Variants in HIVEP2 observed in about 807,000 individuals in gnomAD.
HIVEP2 encodes the protein transcription factor HIVEP2.
A neutral mutation model predicts 180.7 loss-of-function variants in HIVEP2; 14 were observed. That is an observed-to-expected ratio of 0.08 (90% CI 0.05 to 0.12). The LOEUF is 0.12. HIVEP2 is among the 10% of genes least tolerant of loss of function. The pLI is 1.00. For synonymous variants in HIVEP2, 1,184 were observed against 1,136.4 expected, an observed-to-expected ratio of 1.04 and a Z score of -0.84; for missense variants, 2,579 against 3,008.5, an observed-to-expected ratio of 0.86 and a Z score of 3.34.
At chr6:142,834,081 G>T (rs1582899468) in intron 2 of HIVEP2, among the ~76,000 whole-genome samples, 2 of 152,188 alleles carry the variant, frequency 1.3e-5, no homozygotes, top group East Asian at 1.9e-4. Context: ...ATAACAGATA[G>T]CAAATCTAAT....
intron 1 of HIVEP2, among the ~76,000 whole-genome samples, chr6:142,837,754 T>C (rs777149472): frequency 2.6e-5 from 4 of 152,082 alleles, no homozygotes; most frequent in Admixed American, 1.3e-4. Context: ...AAGAGAAAGT[T>C]TGAGAGAAAG....
intron 5 of HIVEP2, among the ~76,000 whole-genome samples, chr6:142,768,813 T>C (rs1310219681): frequency 2.0e-5 from 3 of 151,978 alleles, no homozygotes; most frequent in Non-Finnish European, 2.9e-5. Flanking sequence ...CTCTGTGCAA[T>C]GCTAATACTT....
rs371416610 is a variant in HIVEP2 at position 142,772,674 on chromosome 6, C to T, written c.2065G>A (p.Gly689Arg). The change falls in exon 5 of 10, where the codon GGA becomes AGA. Residue 689 changes from glycine to arginine, a missense_variant. Gly to Arg is a moderately radical substitution (Grantham distance 125). This residue lies in a region of HIVEP2 where 524 missense variants were observed against 563.6 expected (regional missense o/e 0.93). Coordinates refer to ENST00000367603, the MANE Select transcript of HIVEP2 (RefSeq NM_006734.4). This position sits in a 1 kb window ranked among gnomAD's most constrained non-coding sequence, Gnocchi z 4.9. ...VPLQGVPSMF[G>R]TTCENRKRRK... Reference sequence around the variant, plus strand: ...CGTTTCCTGTTTTCACAGGTAGTTCCAAACATGCTTGGTACTCCCTGCAAT... The same window carrying T: ...CGTTTCCTGTTTTCACAGGTAGTTCTAAACATGCTTGGTACTCCCTGCAAT... The T allele has an allele frequency of 3.7e-6, 6 of 1,614,068 alleles. No homozygotes were observed. In the African/African-American group the frequency reaches 8.0e-5, roughly 22 times the overall value.
At chr6:142,918,670 A>G (rs147210510) in intron 1 of HIVEP2, among the ~76,000 whole-genome samples, 280 of 152,354 alleles carry the variant, frequency 1.8e-3, no homozygotes, top group African/African-American at 6.5e-3. Context: ...TTATTCACCA[A>G]TAAAAAACAT....
chr6:142,846,350 G>A (rs1469649831), intron 1 of HIVEP2, among the ~76,000 whole-genome samples: 1 of 152,128 alleles, frequency 6.6e-6, no homozygotes, highest in Non-Finnish European at 1.5e-5. Context: ...CACAACGCAA[G>A]CTTAATGCAC....
chr6:142,891,594 T>C (rs1467784294), intron 1 of HIVEP2, among the ~76,000 whole-genome samples: 1 of 152,116 alleles, frequency 6.6e-6, no homozygotes, highest in Non-Finnish European at 1.5e-5. Context: ...AGATGAATGA[T>C]CTGTGCACCT....
Position 142,772,904 on chromosome 6 carries a change from C to T in HIVEP2, c.1835G>A (p.Gly612Asp). The change falls in exon 5 of 10, where the codon GGC (glycine) becomes GAC (aspartate). Residue 612 changes from glycine to aspartate, a missense_variant. Gly to Asp is a moderately conservative substitution (Grantham distance 94). Coordinates refer to ENST00000367603, the MANE Select transcript of HIVEP2 (RefSeq NM_006734.4). The surrounding 1 kb of genome is among the most constrained non-coding windows in gnomAD (Gnocchi z 4.9). ...QEGHVEVEHH[G>D]RMLKGISSSS... Reference sequence around the variant, plus strand: ...ACTGCTGATACCCTTCAACATCCTGCCATGGTGCTCGACTTCCACGTGGCC... The same window carrying T: ...ACTGCTGATACCCTTCAACATCCTGTCATGGTGCTCGACTTCCACGTGGCC... 1 of 1,614,174 alleles carries T rather than the reference C, an allele frequency of 6.2e-7. No homozygotes were observed. The highest frequency in any genetic ancestry group is 8.5e-7 in the Non-Finnish European group (1 of 1,180,040).
At position 142,763,299 on chromosome 6, in the gene HIVEP2, G is replaced by C. The variant is rs370533168; in HGVS notation, c.5518+1500C>G. Among the ~76,000 whole-genome samples the C allele has an allele frequency of 1.7e-3, 252 of 152,276 alleles. 1 individual carries two copies. The highest frequency in any genetic ancestry group is 5.9e-3 in the African/African-American group (247 of 41,548). On this transcript the variant is annotated intron_variant, in intron 7 of 9. Transcript: ENST00000367603. ...GCCCCTGAAGAAGTGGCACAGACAA[G>C]GAGAAGGGATTGGTCATGCAAGGGC...
At chr6:142,850,240 A>G (rs1368843952) in intron 1 of HIVEP2, among the ~76,000 whole-genome samples, 1 of 152,028 alleles carries the variant, frequency 6.6e-6, no homozygotes, top group Non-Finnish European at 1.5e-5. Flanking sequence ...TATGGCCCTG[A>G]AAAAAAATAC....
chr6:142,871,041 C>G (rs1776279499), intron 1 of HIVEP2, among the ~76,000 whole-genome samples: 1 of 152,250 alleles, frequency 6.6e-6, no homozygotes, highest in East Asian at 1.9e-4. Flanking sequence ...ACCAGTGAAA[C>G]CGACATTTTG....
intron 2 of HIVEP2, among the ~76,000 whole-genome samples, chr6:142,821,620 T>G (rs1192120257): frequency 1.3e-5 from 2 of 152,210 alleles, no homozygotes. Context: ...TAACTGTATA[T>G]TTTTCTGTTG....
At chr6:142,859,134 A>AT (rs552294257) in intron 1 of HIVEP2, among the ~76,000 whole-genome samples, 177 of 151,958 alleles carry the variant, frequency 1.2e-3, no homozygotes, top group African/African-American at 4.0e-3. Context: ...TTCTGTCTCT[A>AT]TTTTTTTTAA....
chr6:142,774,792 G>C lies in HIVEP2; in HGVS notation c.-54C>G. ...TCCCCTGAAAGCAGTGCAGACTCAT[G>C]GAGTGTCTCCAAAGCTGTGCTTCTT... On this transcript the variant is annotated 5_prime_UTR_variant, in exon 5 of 10. Coordinates refer to ENST00000367603, the MANE Select transcript of HIVEP2 (RefSeq NM_006734.4). The surrounding 1 kb of genome is among the most constrained non-coding windows in gnomAD (Gnocchi z 5.1). The C allele has an allele frequency of 6.4e-7, 1 of 1,572,890 alleles. No homozygotes were observed. Among genetic ancestry groups the C allele is most frequent in the Non-Finnish European group, 8.6e-7 (1 of 1,160,352 alleles).
chr6:142,858,476 G>A lies in HIVEP2; in HGVS notation c.-640-21429C>T, dbSNP rs144325808. Among the ~76,000 whole-genome samples the A allele has an allele frequency of 2.3e-3, 350 of 152,210 alleles. 1 individual carries two copies. The highest frequency in any genetic ancestry group is 7.8e-3 in the African/African-American group (325 of 41,522). On this transcript the variant is annotated intron_variant, in intron 1 of 9. Coordinates refer to ENST00000367603, the MANE Select transcript of HIVEP2 (RefSeq NM_006734.4). The stretch of plus-strand genomic sequence containing the variant: ...AGCCCCAGTATCCTAAACAGTGCCT[G>A]GAAAATAACAAGTGTTTGATTAATA...
intron 1 of HIVEP2, among the ~76,000 whole-genome samples, chr6:142,934,874 G>A (rs1040334301): frequency 1.3e-5 from 2 of 152,178 alleles, no homozygotes; most frequent in Middle Eastern, 3.4e-3. Context: ...TGGTGGAAAG[G>A]AATACACTCC....
chr6:142,797,864 T>C (rs558578731), intron 2 of HIVEP2, among the ~76,000 whole-genome samples: 3 of 152,014 alleles, frequency 2.0e-5, no homozygotes, highest in South Asian at 4.1e-4. Flanking sequence ...AGGCATTCAA[T>C]TGGGGGTCTT....
At chr6:142,798,779 T>C (rs1212183991) in intron 2 of HIVEP2, among the ~76,000 whole-genome samples, 2 of 152,180 alleles carry the variant, frequency 1.3e-5, no homozygotes, top group Admixed American at 6.6e-5. Flanking sequence ...GTTATATAAC[T>C]AATTCTCCTA....
At position 142,753,694 on chromosome 6, in the gene HIVEP2, T is replaced by C. The variant is rs1323084402; in HGVS notation, c.6754A>G (p.Thr2252Ala). 6.2e-7 allele frequency: 1 copy of C among 1,614,002 alleles called. No individual in the cohort carries two copies. Among genetic ancestry groups the C allele is most frequent in the Admixed American group, 1.7e-5 (1 of 60,000 alleles). ...AAGCCCTCCATTGGCAGGGGCAATGTGGGTGAAGGATGTAAACTGGAAAGG... is the reference window on the plus strand; with the variant it reads ...AAGCCCTCCATTGGCAGGGGCAATGCGGGTGAAGGATGTAAACTGGAAAGG... ...PALSSLHPSP[T>A]LPLPMEGFEE... Residue 2252 changes from threonine to alanine, a missense_variant, in exon 10 of 10, where the codon ACA (threonine) becomes GCA (alanine). Thr to Ala is a moderately conservative substitution (Grantham distance 58, BLOSUM62 0). Coordinates refer to ENST00000367603, the MANE Select transcript of HIVEP2 (RefSeq NM_006734.4).
At chr6:142,795,366 A>G (rs1398077714) in intron 2 of HIVEP2, among the ~76,000 whole-genome samples, 1 of 152,128 alleles carries the variant, frequency 6.6e-6, no homozygotes, top group South Asian at 2.1e-4. Context: ...GAAAAAAACA[A>G]CCCACCTAAT....
Sources: gnomAD v4.1 joint callset for allele counts (sites outside exome capture counted in the v4.1 genomes callset) on GRCh38, gnomAD v4.1.1 for gene constraint, gnomAD v4.1.1 regional missense constraint, Gnocchi (gnomAD v3.1) non-coding constraint, MANE v1.5 for transcripts, NCBI Gene and HGNC (gene_info 2026-07-23, HGNC 2026-07-21) for gene names.